Variants in SUGCT observed in about 807,000 individuals in gnomAD.
SUGCT encodes the protein succinyl-CoA:glutarate-CoA transferase.
Under a neutral mutation model 55.0 loss-of-function variants are expected in SUGCT, and 41 were observed. The ratio of observed to expected loss-of-function variants is 0.74; its 90% CI spans 0.58 to 0.97. SUGCT has a LOEUF of 0.97. Ranked by LOEUF, SUGCT falls within the 50% of genes least tolerant of loss-of-function variation. SUGCT has a pLI of 0.00. For synonymous variants in SUGCT, 187 were observed against 200.4 expected (o/e 0.93, Z 0.56); for missense variants, 568 against 547.8 (o/e 1.04, Z -0.37).
At chr7:40,608,161 A>G (rs912506147) in intron 12 of SUGCT, among the ~76,000 whole-genome samples, 11 of 152,206 alleles carry the variant, frequency 7.2e-5, no homozygotes, top group Non-Finnish European at 5.9e-5. Flanking sequence ...CGTTTCTTCC[A>G]CATTACGTAA....
At position 40,570,850 on chromosome 7, in the gene SUGCT, C is replaced by CTTTTTTTTTTTTTTTTTTTT. The variant is rs776733346; in HGVS notation, c.1089+74472_1089+74491dup. ...CCCCTCTGGGCAAAAGCTTTAGGCT[C>CTTTTTTTTTTTTTTTTTTTT]TTTTTTTTTTTTTTTTTTTTTTTTT... is the stretch of plus-strand genomic sequence containing the variant. On this transcript the variant is annotated intron_variant, in intron 12 of 13. Coordinates refer to ENST00000335693, the MANE Select transcript of SUGCT (RefSeq NM_001193313.2). Among the ~76,000 whole-genome samples, 15 of 52,304 alleles carry CTTTTTTTTTTTTTTTTTTTT rather than the reference C, an allele frequency of 2.9e-4. 1 individual carries two copies. The highest frequency in any genetic ancestry group is 1.3e-3 in the African/African-American group (15 of 11,528). The allele number at this position is 52,304 out of a possible 152,430, so 34.3% of individuals were successfully genotyped here.
At chr7:41,035,395 A>G in the SUGCT span, among the ~76,000 whole-genome samples, 15 of 152,106 alleles carry the variant, frequency 9.9e-5, no homozygotes, top group Non-Finnish European at 1.8e-4. Flanking sequence ...TCCTGAAATA[A>G]CATGCAAAAT....
At chr7:40,464,961 A>T (rs1790021998) in intron 11 of SUGCT, among the ~76,000 whole-genome samples, 1 of 152,214 alleles carries the variant, frequency 6.6e-6, no homozygotes, top group Admixed American at 6.5e-5. Context: ...GGAGAGATGC[A>T]GTTGACAATT....
At chr7:40,883,421 T>C in the SUGCT span, among the ~76,000 whole-genome samples, 1 of 152,222 alleles carries the variant, frequency 6.6e-6, no homozygotes, top group Non-Finnish European at 1.5e-5. Context: ...TTGCATTACA[T>C]AGAAATTAAC....
chr7:40,969,149 C>T, the SUGCT span, among the ~76,000 whole-genome samples: 2 of 152,210 alleles, frequency 1.3e-5, no homozygotes, highest in South Asian at 2.1e-4. Context: ...TCCGATTATT[C>T]CAGAGCCTTT....
intron 11 of SUGCT, among the ~76,000 whole-genome samples, chr7:40,460,322 T>C (rs1399162478): frequency 1.3e-5 from 2 of 152,196 alleles, no homozygotes; most frequent in Non-Finnish European, 2.9e-5. Context: ...AGACACAGAA[T>C]GGGGGATGGA....
At position 40,526,943 on chromosome 7, in the gene SUGCT, T is replaced by C. The variant is rs529409626; in HGVS notation, c.1089+30557T>C. Among the ~76,000 whole-genome samples the C allele has an allele frequency of 2.1e-4, 32 of 152,330 alleles. No homozygotes were observed. In the South Asian group the frequency reaches 6.6e-3, roughly 32 times the overall value. On this transcript the variant is annotated intron_variant, in intron 12 of 13. Transcript: ENST00000335693. Reference sequence around the variant, plus strand: ...TGTTCGGGTCTATCTTGCTATTTGATATATGGTGGAATTTTTCACTTAATA... The same window carrying C: ...TGTTCGGGTCTATCTTGCTATTTGACATATGGTGGAATTTTTCACTTAATA...
intron 11 of SUGCT, among the ~76,000 whole-genome samples, chr7:40,484,704 TC>T (rs1300504908): frequency 1.3e-5 from 2 of 152,288 alleles, no homozygotes; most frequent in African/African-American, 4.8e-5. Context: ...AAATAGTATT[TC>T]TTGTGGTGCC....
At chr7:40,487,184 A>C (rs1347043311) in intron 11 of SUGCT, among the ~76,000 whole-genome samples, 1 of 145,298 alleles carries the variant, frequency 6.9e-6, no homozygotes, top group South Asian at 2.1e-4. Flanking sequence ...GCCCAGGTTC[A>C]AGTGATTCTT....
chr7:40,483,764 T>C (rs760003467), intron 11 of SUGCT, among the ~76,000 whole-genome samples: 1 of 151,160 alleles, frequency 6.6e-6, no homozygotes, highest in Non-Finnish European at 1.5e-5. Context: ...CATGAAAAGA[T>C]GCTTAATTTC....
At chr7:40,798,292 G>T (rs1414078199) in intron 13 of SUGCT, among the ~76,000 whole-genome samples, 1 of 152,160 alleles carries the variant, frequency 6.6e-6, no homozygotes, top group Non-Finnish European at 1.5e-5. Context: ...TTGAATAAAT[G>T]ATTGTGCTAA....
chr7:40,474,721 G>A (rs1790567796), intron 11 of SUGCT, among the ~76,000 whole-genome samples: 2 of 152,158 alleles, frequency 1.3e-5, no homozygotes, highest in South Asian at 4.1e-4. Flanking sequence ...TGCAATCATG[G>A]TAGCATTGAA....
At chr7:40,206,047 T>C (rs1287308207) in intron 6 of SUGCT, among the ~76,000 whole-genome samples, 2 of 152,216 alleles carry the variant, frequency 1.3e-5, no homozygotes, top group African/African-American at 4.8e-5. Context: ...AGGAAAAAGA[T>C]GACAATACTA....
At chr7:40,410,368 G>T (rs1414482282) in intron 9 of SUGCT, among the ~76,000 whole-genome samples, 1 of 151,922 alleles carries the variant, frequency 6.6e-6, no homozygotes, top group Non-Finnish European at 1.5e-5. Context: ...ATAAATGAAG[G>T]CAATAGGGAG....
the SUGCT span, among the ~76,000 whole-genome samples, chr7:41,017,041 C>T: frequency 6.6e-6 from 1 of 152,214 alleles, no homozygotes; most frequent in Admixed American, 6.5e-5. Flanking sequence ...ATCCTTTGGT[C>T]TTTGAGCCAC....
intron 9 of SUGCT, among the ~76,000 whole-genome samples, chr7:40,444,781 A>T (rs62451200): frequency 0.03 from 4,511 of 152,168 alleles, 102 homozygotes; most frequent in Middle Eastern, 0.051. Flanking sequence ...GTGGTGAGAG[A>T]GGGCATCCTT....
At chr7:40,909,085 A>G in the SUGCT span, among the ~76,000 whole-genome samples, 6 of 152,294 alleles carry the variant, frequency 3.9e-5, no homozygotes, top group South Asian at 4.1e-4. Flanking sequence ...TGCTTTTTCT[A>G]CAATGCATGT....
intron 9 of SUGCT, among the ~76,000 whole-genome samples, chr7:40,354,221 G>A (rs1199772530): frequency 6.6e-6 from 1 of 152,142 alleles, no homozygotes; most frequent in Admixed American, 6.6e-5. Flanking sequence ...GAATTTGTGA[G>A]GTGGATTTAT....
At chr7:41,019,271 A>G in the SUGCT span, among the ~76,000 whole-genome samples, 12 of 152,196 alleles carry the variant, frequency 7.9e-5, no homozygotes, top group Admixed American at 7.9e-4. Flanking sequence ...TAATAATTAA[A>G]ATGTTAGCTA....
Sources: gnomAD v4.1 joint callset for allele counts (sites outside exome capture counted in the v4.1 genomes callset) on GRCh38, gnomAD v4.1.1 for gene constraint, MANE v1.5 for transcripts, NCBI Gene and HGNC (gene_info 2026-07-23, HGNC 2026-07-21) for gene names.